The following NFATC2IP variants were observed in gnomAD, a reference collection of about 807,000 sequenced individuals.
NFATC2IP encodes nuclear factor of activated T cells 2 interacting protein, also known as NFATC2-interacting protein.
A neutral mutation model predicts 40.2 loss-of-function variants in NFATC2IP; 25 were observed. The ratio of observed to expected loss-of-function variants is 0.62; its 90% CI spans 0.45 to 0.87. The LOEUF (loss-of-function observed/expected upper bound fraction) is 0.87. NFATC2IP is among the 40% of genes least tolerant of loss of function. The pLI is 0.00. For missense variants in NFATC2IP, 553 were observed against 555.6 expected, an observed-to-expected ratio of 1.00 and a Z score of 0.05; for synonymous variants, 241 against 236.3, an observed-to-expected ratio of 1.02 and a Z score of -0.18.
intron 2 of NFATC2IP, 47 bp downstream of exon 2, chr16:28,952,251 TAA>T (rs1567511834): frequency 6.2e-7 from 1 of 1,611,456 alleles, no homozygotes; most frequent in African/African-American, 1.3e-5. Context: ...TGGCTTCTCT[TAA>T]GAGAATTCCT....
chr16:28,961,787 C>T (rs1175420348), intron 7 of NFATC2IP, among the ~76,000 whole-genome samples: 1 of 150,746 alleles, frequency 6.6e-6, no homozygotes, highest in Non-Finnish European at 1.5e-5. Context: ...ATAGTCCCAG[C>T]TACTCAGGAG....
intron 1 of NFATC2IP, 71 bp downstream of exon 1, chr16:28,951,469 C>A (rs1281669202): frequency 1.7e-5 from 22 of 1,332,460 alleles, no homozygotes; most frequent in South Asian, 3.9e-5. Flanking sequence ...GGCCGGCGTT[C>A]GGGGAGGGTA....
chr16:28,964,239 G>C lies in NFATC2IP; in HGVS notation c.*376G>C, dbSNP rs59675198. The C allele has an allele frequency of 0.014, 2,754 of 197,260 alleles. 88 individuals are homozygous for C. Among genetic ancestry groups the C allele is most frequent in the African/African-American group, 0.059 (2,573 of 43,640 alleles). The allele number at this position is 197,260 out of a possible 1,614,324, so 12.2% of individuals were successfully genotyped here. The stretch of plus-strand genomic sequence containing the variant: ...GTTGAAACAAATGAGGGTTGGGTAG[G>C]AGCTTCCAGGCCTGGGATTTACACC... On this transcript the variant is annotated 3_prime_UTR_variant, in exon 8 of 8. Transcript: ENST00000320805.
At position 28,958,856 on chromosome 16, in the gene NFATC2IP, T is replaced by A; in HGVS notation, c.986T>A (p.Ile329Asn). The change falls in exon 6 of 8, where the codon ATC becomes AAC. Residue 329 changes from isoleucine (I) to asparagine (N), a missense_variant. Coordinates refer to ENST00000320805, the MANE Select transcript of NFATC2IP (RefSeq NM_032815.4). ...ACCCTAAAGCTCGGAGTGGCTGACA[T>A]CATTGGTGAGAGGAAGGCAGGGAGG... is the stretch of plus-strand genomic sequence containing the variant. ...PRTLKLGVAD[I>N]IDCVVLTSSP... 1 of 1,613,754 alleles carries A rather than the reference T, an allele frequency of 6.2e-7. No homozygotes were observed. The highest frequency in any genetic ancestry group is 2.2e-5 in the East Asian group (1 of 44,858).
Position 28,965,814 on chromosome 16 carries a change from G to A in NFATC2IP, c.*1951G>A, listed in dbSNP as rs1005390042. ...TCAGGTCTGTAATCCCAGCACTTTC[G>A]GTGGCCGGGGTGGGTGGATCACTTG... On this transcript the variant is annotated 3_prime_UTR_variant, in exon 8 of 8. Transcript: ENST00000320805. The A allele has an allele frequency of 1.3e-5, 2 of 152,076 alleles. No individual in the cohort carries two copies. The highest frequency in any genetic ancestry group is 1.9e-4 in the East Asian group (1 of 5,194). The allele number at this position is 152,076 out of a possible 1,614,324, so 9.4% of individuals were successfully genotyped here.
intron 5 of NFATC2IP, among the ~76,000 whole-genome samples, chr16:28,958,039 C>T (rs1310819144): frequency 6.6e-6 from 1 of 151,708 alleles, no homozygotes; most frequent in African/African-American, 2.4e-5. Flanking sequence ...GAGACTCTGC[C>T]TCAGATCTCA....
At position 28,951,062 on chromosome 16, in the gene NFATC2IP, C is replaced by T. The variant is rs1964959055; in HGVS notation, c.51C>T (p.Ala17=). The T allele has an allele frequency of 6.5e-7, 1 of 1,537,494 alleles. No individual in the cohort carries two copies. Among genetic ancestry groups the T allele is most frequent in the Non-Finnish European group, 8.8e-7 (1 of 1,142,330 alleles). The change falls in exon 1 of 8, where the codon GCC becomes GCT. Residue 17 remains alanine (A), a synonymous_variant. Transcript: ENST00000320805. The part of the protein sequence containing the change: ...KRGRWSGGSG[A]GRGGRGGWGG... ...GCCGCTGGTCCGGAGGTAGCGGTGC[C>T]GGCCGAGGGGGTCGGGGCGGCTGGG...
chr16:28,952,451 GTGTTGAGAATC>G (rs1964978156), intron 2 of NFATC2IP: 1 of 509,266 alleles, frequency 2.0e-6, no homozygotes, highest in African/African-American at 2.0e-5. Flanking sequence ...AGGCGGTAAG[GTGTTGAGAATC>G]TGTGACATCT....
At position 28,956,217 on chromosome 16, in the gene NFATC2IP, G is replaced by A; in HGVS notation, c.726G>A (p.Glu242=). 1 of 1,614,046 alleles carries A rather than the reference G, an allele frequency of 6.2e-7. No individual in the cohort carries two copies. The highest frequency in any genetic ancestry group is 8.5e-7 in the Non-Finnish European group (1 of 1,179,986). The stretch of plus-strand genomic sequence containing the variant: ...GCCCCAAGCCACCTCAGGGTCAAGA[G>A]CAACAGGGCCAAGAGGATGAAGTGG... ...CLSPKPPQGQ[E]QQGQEDEVVL... is the part of the protein sequence containing the mutation. Residue 242 remains glutamate (E), a synonymous_variant, in exon 5 of 8, where the codon GAG becomes GAA. Transcript: ENST00000320805.
intron 1 of NFATC2IP, 48 bp from the exon 2 acceptor site, chr16:28,952,084 T>G: frequency 6.2e-7 from 1 of 1,608,960 alleles, no homozygotes. Context: ...TTTCTTTCGG[T>G]AGGGGAAGGA....
In NFATC2IP at chr16:28,963,806, G is replaced by T. The variant is rs1307977561; in HGVS notation, c.1203G>T (p.Arg401Ser). 1 of 1,614,214 alleles carries T rather than the reference G, an allele frequency of 6.2e-7. No homozygotes were observed. The highest frequency in any genetic ancestry group is 1.7e-5 in the Admixed American group (1 of 60,020). ...FFFDGTKLSGRELPADLGMES... is the reference protein window; with the variant it reads ...FFFDGTKLSGSELPADLGMES... The stretch of plus-strand genomic sequence containing the variant: ...TTGATGGGACAAAGCTTTCAGGCAG[G>T]GAGCTGCCAGCTGACCTGGGCATGG... The change falls in exon 8 of 8, where the codon AGG (arginine) becomes AGT (serine). Residue 401 changes from arginine (R) to serine (S), a missense_variant. Physicochemically the swap from Arg to Ser is moderately radical, Grantham distance 110. Transcript: ENST00000320805.
chr16:28,957,429 G>A (rs916841509), intron 5 of NFATC2IP, among the ~76,000 whole-genome samples: 18 of 151,886 alleles, frequency 1.2e-4, no homozygotes, highest in African/African-American at 3.4e-4. Context: ...GATCACTTGA[G>A]GCCAGGAGTT....
chr16:28,957,325 G>C (rs1965032905), intron 5 of NFATC2IP, among the ~76,000 whole-genome samples: 1 of 151,702 alleles, frequency 6.6e-6, no homozygotes, highest in South Asian at 2.1e-4. Context: ...GAGCCACCGT[G>C]CCTGGCCTAT....
At chr16:28,959,616 C>T (rs939229031) in intron 7 of NFATC2IP, among the ~76,000 whole-genome samples, 3 of 148,486 alleles carry the variant, frequency 2.0e-5, no homozygotes, top group African/African-American at 7.4e-5. Context: ...CGCCCTGTCG[C>T]CCAGGCTGAA....
intron 3 of NFATC2IP, among the ~76,000 whole-genome samples, chr16:28,955,707 T>A (rs1965012494): frequency 6.6e-6 from 1 of 152,112 alleles, no homozygotes; most frequent in Non-Finnish European, 1.5e-5. Context: ...CAAGCGACCC[T>A]CCCACCTCAG....
At chr16:28,962,907 G>A (rs778752647) in intron 7 of NFATC2IP, among the ~76,000 whole-genome samples, 1 of 152,142 alleles carries the variant, frequency 6.6e-6, no homozygotes, top group African/African-American at 2.4e-5. Flanking sequence ...TCCCAGGCTG[G>A]GTGCGGGGGC....
chr16:28,954,288 G>A (rs536186016), intron 2 of NFATC2IP, among the ~76,000 whole-genome samples: 37 of 151,990 alleles, frequency 2.4e-4, no homozygotes, highest in Non-Finnish European at 4.3e-4. Flanking sequence ...ATTGACAGCG[G>A]GCAAATAGAA....
chr16:28,956,761 A>ACCTGGGCTTCCCT (rs1965027403), intron 5 of NFATC2IP: 1 of 173,510 alleles, frequency 5.8e-6, no homozygotes, highest in Non-Finnish European at 1.2e-5. Context: ...CTCCCTAGGA[A>ACCTGGGCTTCCCT]CCTGGGCTTC....
At chr16:28,958,575 A>G (rs1965047236) in intron 5 of NFATC2IP, 142 bp from the exon 6 acceptor site, 1 of 720,232 alleles carries the variant, frequency 1.4e-6, no homozygotes, top group Non-Finnish European at 2.4e-6. Context: ...TTTATTCTAT[A>G]CCTTGCCAGG....
Sources: allele counts gnomAD v4.1 joint callset (sites outside exome capture counted in the v4.1 genomes callset), GRCh38; gene constraint gnomAD v4.1.1; transcripts MANE v1.5; gene names NCBI Gene and HGNC (gene_info 2026-07-23, HGNC 2026-07-21).